Variants in KIAA0825 observed in about 807,000 individuals in gnomAD.
The protein encoded by KIAA0825 is uncharacterized protein KIAA0825.
KIAA0825 carries 119 observed loss-of-function variants against 147.6 expected under a neutral mutation model. The observed-to-expected ratio is 0.81, with a 90% CI of 0.69 to 0.94. KIAA0825 has a LOEUF of 0.94. KIAA0825 is among the 40% of genes least tolerant of loss of function. The pLI, the probability that KIAA0825 is intolerant of heterozygous loss-of-function variation, is 0.00. For missense variants in KIAA0825, 1,381 were observed against 1,472.7 expected (o/e 0.94, Z 1.02); for synonymous variants, 470 against 518.1 (o/e 0.91, Z 1.26).
At position 94,386,279 on chromosome 5, in the gene KIAA0825, C is replaced by G. The variant is rs770991963; in HGVS notation, c.3582G>C (p.Val1194=). 6.4e-7 allele frequency: 1 copy of G among 1,551,212 alleles called. No homozygotes were observed. Among genetic ancestry groups the G allele is most frequent in the South Asian group, 1.2e-5 (1 of 84,042 alleles). The change falls in exon 19 of 21, where the codon GTG becomes GTC. Residue 1194 remains valine (V), a synonymous_variant. Transcript: ENST00000682413. ...GCATGTTTTCACTAAACGCCTTATA[C>G]ACATGGAAAGGGTTAAAGGCAGAAG... ...DQPSAFNPFH[V]YKAFSENMLD... is the part of the protein sequence containing the mutation.
rs192177535 is a variant in KIAA0825, at chr5:94,188,760, T to C, written c.3711-34636A>G. 5.3e-5 allele frequency among the ~76,000 whole-genome samples: 8 copies of C among 152,276 alleles called. No homozygotes were observed. The East Asian group carries it at 1.5e-3, about 29-fold the overall frequency. ...TTGCAACCTCATCTTTGCATGGACA[T>C]GTATTTTTACTTGAATAAAATAGCT... On this transcript the variant is annotated intron_variant, in intron 20 of 20. Transcript: ENST00000682413.
chr5:94,465,549 T>G (rs17083713), intron 10 of KIAA0825, among the ~76,000 whole-genome samples: 1,703 of 152,328 alleles, frequency 0.011, 69 homozygotes, highest in East Asian at 0.095. Context: ...CATACTGCAT[T>G]CTTAGGAACA....
rs1390479718 is a variant in KIAA0825 at position 94,403,556 on chromosome 5, C to T, written c.2887+13G>A. On this transcript the variant is annotated intron_variant, in intron 16 of 20. Transcript: ENST00000682413. ...TCAGGTGTATTTTCTTAAAGAGAAA[C>T]AAGTGTACTTACTTTTGCATGATTC... 7.1e-6 allele frequency: 11 copies of T among 1,545,382 alleles called. No individual in the cohort carries two copies. Among genetic ancestry groups the T allele is most frequent in the Non-Finnish European group, 9.6e-6 (11 of 1,142,092 alleles).
chr5:94,611,430 A>C lies in KIAA0825; in HGVS notation c.-153+7070T>G, dbSNP rs76372276. Among the ~76,000 whole-genome samples the C allele has an allele frequency of 9.5e-3, 1,448 of 152,152 alleles. 25 individuals are homozygous for C. The highest frequency in any genetic ancestry group is 0.033 in the African/African-American group (1,354 of 41,526). On this transcript the variant is annotated intron_variant, in intron 1 of 20. Transcript: ENST00000682413. ...TGAAACAAAAATACAGGCTATGACT[A>C]ACCAAATTGATGGCTTATAACCTGC...
intron 2 of KIAA0825, among the ~76,000 whole-genome samples, chr5:94,574,203 A>G (rs903603576): frequency 6.6e-6 from 1 of 152,138 alleles, no homozygotes; most frequent in Admixed American, 6.5e-5. Flanking sequence ...ATCTCTCACT[A>G]TACATAGGTT....
Position 94,515,478 on chromosome 5 carries a change from G to A in KIAA0825, c.970+4770C>T, listed in dbSNP as rs547713005. Among the ~76,000 whole-genome samples the A allele has an allele frequency of 1.7e-3, 261 of 152,132 alleles. 2 individuals carry two copies. Among genetic ancestry groups the A allele is most frequent in the African/African-American group, 4.2e-3 (173 of 41,494 alleles). ...AAAATATTGTAGCATAAACCTTTAC[G>A]AAATAATAATTTTCCTAATATTAGA... On this transcript the variant is annotated intron_variant, in intron 5 of 20. Transcript: ENST00000682413.
intron 5 of KIAA0825, among the ~76,000 whole-genome samples, chr5:94,509,904 C>A (rs1766247066): frequency 6.6e-6 from 1 of 152,162 alleles, no homozygotes; most frequent in African/African-American, 2.4e-5. Context: ...ATTAAAAGTA[C>A]ATCCTCTTCA....
intron 20 of KIAA0825, among the ~76,000 whole-genome samples, chr5:94,379,516 C>G (rs1748072279): frequency 6.6e-6 from 1 of 152,062 alleles, no homozygotes; most frequent in Admixed American, 6.6e-5. Context: ...TGTAATATAA[C>G]TTGAAGTCAG....
chr5:94,597,942 G>A (rs1311900719), intron 1 of KIAA0825, among the ~76,000 whole-genome samples: 1 of 152,060 alleles, frequency 6.6e-6, no homozygotes, highest in Non-Finnish European at 1.5e-5. Context: ...TATCATTCAT[G>A]GAGCTTATAG....
chr5:94,563,198 A>AAC (rs1554046493), intron 2 of KIAA0825, among the ~76,000 whole-genome samples: 15,713 of 142,700 alleles, frequency 0.11, 894 homozygotes, highest in Non-Finnish European at 0.12. Context: ...AAAAAAACAA[A>AAC]AAAAAAAAAA....
chr5:94,449,944 G>A (rs1758190935), intron 13 of KIAA0825, among the ~76,000 whole-genome samples: 1 of 151,970 alleles, frequency 6.6e-6, no homozygotes, highest in Non-Finnish European at 1.5e-5. Context: ...GCTGGGCATG[G>A]TGGCACGTGC....
rs188165194 is a variant in KIAA0825, at chr5:94,352,740, C to T, written c.3710+31628G>A. Among the ~76,000 whole-genome samples, 135 of 152,268 alleles carry T rather than the reference C, an allele frequency of 8.9e-4. 1 individual carries two copies. Among genetic ancestry groups the T allele is most frequent in the African/African-American group, 3.2e-3 (134 of 41,540 alleles). ...TATATACATACGATGAAATACTATG[C>T]AGCCATAAAAAGGAATGAATTAACA... On this transcript the variant is annotated intron_variant, in intron 20 of 20. Coordinates refer to ENST00000682413, the MANE Select transcript of KIAA0825 (RefSeq NM_001145678.3).
At chr5:94,217,626 T>C (rs1051065163) in intron 20 of KIAA0825, among the ~76,000 whole-genome samples, 4 of 152,176 alleles carry the variant, frequency 2.6e-5, no homozygotes, top group African/African-American at 9.7e-5. Context: ...ACTTCAAAGA[T>C]AGAGAATTAT....
rs1372797354 is a variant in KIAA0825, at chr5:94,152,942, A to G, written c.*1065T>C. 2.7e-5 allele frequency: 3 copies of G among 112,830 alleles called. No homozygotes were observed. Among genetic ancestry groups the G allele is most frequent in the Admixed American group, 2.1e-4 (2 of 9,370 alleles). 7.0% of individuals were successfully genotyped at this position (112,830 alleles called of 1,614,324 possible). Reference sequence around the variant, plus strand: ...CGTTCTTAGACTGCCCAACCATGCAATTCTCTTTGTTGTCTTTTTCTTTCA... The same window carrying G: ...CGTTCTTAGACTGCCCAACCATGCAGTTCTCTTTGTTGTCTTTTTCTTTCA... On this transcript the variant is annotated 3_prime_UTR_variant, in exon 21 of 21. Coordinates refer to ENST00000682413, the MANE Select transcript of KIAA0825 (RefSeq NM_001145678.3).
chr5:94,250,072 A>G (rs1431366711), intron 20 of KIAA0825, among the ~76,000 whole-genome samples: 1 of 152,150 alleles, frequency 6.6e-6, no homozygotes, highest in Non-Finnish European at 1.5e-5. Context: ...CTCAGCTAAT[A>G]TACACACATG....
chr5:94,451,763 T>C (rs559044623), intron 13 of KIAA0825, among the ~76,000 whole-genome samples: 26 of 152,250 alleles, frequency 1.7e-4, no homozygotes, highest in Admixed American at 1.2e-3. Flanking sequence ...ACTCCAGTGG[T>C]TCCAGATATA....
At chr5:94,301,105 A>G (rs1778378463) in intron 20 of KIAA0825, among the ~76,000 whole-genome samples, 1 of 152,158 alleles carries the variant, frequency 6.6e-6, no homozygotes. Context: ...AGCCTCTTTC[A>G]CTTTTAAATT....
intron 12 of KIAA0825, among the ~76,000 whole-genome samples, chr5:94,461,375 G>A (rs1217183192): frequency 6.6e-6 from 1 of 151,856 alleles, no homozygotes; most frequent in Admixed American, 6.6e-5. Context: ...TGGTAAATCA[G>A]TTTAGTTTCC....
chr5:94,176,661 A>G (rs1254357428), intron 20 of KIAA0825, among the ~76,000 whole-genome samples: 1 of 152,082 alleles, frequency 6.6e-6, no homozygotes, highest in Non-Finnish European at 1.5e-5. Context: ...TCTGCCATAG[A>G]CCAATGCTTC....
Sources: gnomAD v4.1 joint callset for allele counts (sites outside exome capture counted in the v4.1 genomes callset) on GRCh38, gnomAD v4.1.1 for gene constraint, MANE v1.5 for transcripts, NCBI Gene and HGNC (gene_info 2026-07-23, HGNC 2026-07-21) for gene names.